Variants in ZNF28 observed in about 807,000 individuals in gnomAD.
ZNF28 encodes zinc finger protein 28.
Under a neutral mutation model 7.2 loss-of-function variants are expected in ZNF28, and 5 were observed. The observed-to-expected ratio is 0.70, with a 90% CI of 0.36 to 1.46. ZNF28 has a LOEUF of 1.46. ZNF28 is among the 40% of genes most tolerant of loss of function. The probability of loss-of-function intolerance (pLI) is 0.03; values close to 1 mark genes in which losing one functional copy is unlikely to be tolerated. For missense variants in ZNF28, 879 were observed against 866.6 expected (o/e 1.01, Z -0.18); for synonymous variants, 288 against 292.4 (o/e 0.99, Z 0.15).
At chr19:52,817,697 G>A (rs532305549) in intron 2 of ZNF28, among the ~76,000 whole-genome samples, 112 of 152,042 alleles carry the variant, frequency 7.4e-4, no homozygotes, top group African/African-American at 2.6e-3. Context: ...CCCTCACCCC[G>A]TCTCCATCCA....
intron 3 of ZNF28, among the ~76,000 whole-genome samples, chr19:52,803,892 G>C (rs570652694): frequency 6.6e-6 from 1 of 152,316 alleles, no homozygotes; most frequent in Admixed American, 6.5e-5. Context: ...AGAAGGTGAA[G>C]GTTGCAGTGA....
At position 52,801,553 on chromosome 19, in the gene ZNF28, G is replaced by A. The variant is rs766915729; in HGVS notation, c.292C>T (p.Gln98Ter). The change falls in exon 4 of 4, where the codon CAG becomes TAG. Residue 98 changes from glutamine (Q) to a stop codon, truncating the protein, a stop_gained. Coordinates refer to ENST00000457749, the MANE Select transcript of ZNF28 (RefSeq NM_006969.5). LOFTEE classifies it low-confidence loss of function (END_TRUNC). Reference protein sequence around the residue: ...QKIEKDIHGFQFQWKEDETND... With the variant: ...QKIEKDIHGF Reference sequence around the variant, plus strand: ...GTTTCATCTTCTTTCCACTGAAACTGGAAGCCATGAATGTCTTTCTCAATT... The same window carrying A: ...GTTTCATCTTCTTTCCACTGAAACTAGAAGCCATGAATGTCTTTCTCAATT... 2 of 1,614,152 alleles carry A rather than the reference G, an allele frequency of 1.2e-6. No homozygotes were observed. The highest frequency in any genetic ancestry group is 1.3e-5 in the African/African-American group (1 of 75,036).
In ZNF28 at chr19:52,800,187, C is replaced by A; in HGVS notation, c.1658G>T (p.Cys553Phe). Residue 553 changes from cysteine to phenylalanine, a missense_variant, in exon 4 of 4, where the codon TGT becomes TTT. This residue lies in a region of ZNF28 where 864 missense variants were observed against 830.2 expected (regional missense o/e 1.04). Transcript: ENST00000457749. ...KLHTAEKPYK[C>F]EECEKVFSRK... ...ACTGAAAACTTTCTCACATTCTTCA[C>A]ATTTGTACGGTTTCTCTGCAGTATG... is the stretch of plus-strand genomic sequence containing the variant. 6.2e-7 allele frequency: 1 copy of A among 1,613,476 alleles called. No homozygotes were observed. Among genetic ancestry groups the A allele is most frequent in the East Asian group, 2.2e-5 (1 of 44,648 alleles).
intron 3 of ZNF28, 152 bp downstream of exon 3, chr19:52,807,855 G>C: frequency 8.1e-7 from 1 of 1,237,008 alleles, no homozygotes. Flanking sequence ...TAAACAAAGG[G>C]GACAGTGAAA....
At chr19:52,815,613 A>G (rs1380986241) in intron 2 of ZNF28, among the ~76,000 whole-genome samples, 1 of 146,696 alleles carries the variant, frequency 6.8e-6, no homozygotes, top group Non-Finnish European at 1.5e-5. Context: ...TCATGAGGTC[A>G]GGAGATCGAG....
Position 52,817,980 on chromosome 19 carries a change from C to G in ZNF28, c.-22G>C, listed in dbSNP as rs1195039691. 1 of 1,611,020 alleles carries G rather than the reference C, an allele frequency of 6.2e-7. No individual in the cohort carries two copies. Among genetic ancestry groups the G allele is most frequent in the South Asian group, 1.1e-5 (1 of 91,068 alleles). ...CCATCCCTGACTCCTTTGCTTTCCTCTTCCTCTTCTGGGTTTCTTCCTCAC... is the reference window on the plus strand; with the variant it reads ...CCATCCCTGACTCCTTTGCTTTCCTGTTCCTCTTCTGGGTTTCTTCCTCAC... On this transcript the variant is annotated 5_prime_UTR_variant, in exon 2 of 4. Coordinates refer to ENST00000457749, the MANE Select transcript of ZNF28 (RefSeq NM_006969.5).
rs1433068660 is a variant in ZNF28 at position 52,798,852 on chromosome 19, CAA to C, written c.*834_*835del. 14 of 1,254,208 alleles carry C rather than the reference CAA, an allele frequency of 1.1e-5. No homozygotes were observed. Among genetic ancestry groups the C allele is most frequent in the Non-Finnish European group, 1.4e-5 (13 of 899,920 alleles). The allele number at this position is 1,254,208 out of a possible 1,614,324, so 77.7% of individuals were successfully genotyped here. A position where few individuals can be genotyped will look rare whatever the true frequency, so the allele number is the denominator to read the frequency against. On this transcript the variant is annotated 3_prime_UTR_variant, in exon 4 of 4. Coordinates refer to ENST00000457749, the MANE Select transcript of ZNF28 (RefSeq NM_006969.5). ...ACTTTGTGACAATCATTATATTAGT[CAA>C]GTTTCCCTATACTATGGATTGCTTG...
Position 52,800,926 on chromosome 19 carries a change from C to A in ZNF28, c.919G>T (p.Val307Phe), listed in dbSNP as rs2062859689. 6.2e-7 allele frequency: 1 copy of A among 1,613,994 alleles called. No individual in the cohort carries two copies. Among genetic ancestry groups the A allele is most frequent in the Admixed American group, 1.7e-5 (1 of 59,994 alleles). The change falls in exon 4 of 4, where the codon GTT becomes TTT. Residue 307 changes from valine to phenylalanine, a missense_variant. Physicochemically the swap from Val to Phe is conservative, Grantham distance 50. This residue lies in a region of ZNF28 where 864 missense variants were observed against 830.2 expected (regional missense o/e 1.04). Coordinates refer to ENST00000457749, the MANE Select transcript of ZNF28 (RefSeq NM_006969.5). ...TCAAGGTGTGATTTGCGACTGAAAA[C>A]TTTGTCACATTCTTCACATTCATAA... ...KPYECEECDKVFSRKSHLETH... is the reference protein window; with the variant it reads ...KPYECEECDKFFSRKSHLETH...
chr19:52,812,019 G>T (rs1226240093), intron 2 of ZNF28, among the ~76,000 whole-genome samples: 1 of 43,540 alleles, frequency 2.3e-5, no homozygotes, highest in Non-Finnish European at 5.4e-5. Flanking sequence ...GGAGGTGGGG[G>T]GGACAGCCCC....
chr19:52,807,717 C>T (rs771868256), intron 3 of ZNF28, among the ~76,000 whole-genome samples: 47 of 152,080 alleles, frequency 3.1e-4, no homozygotes, highest in Non-Finnish European at 5.4e-4. Flanking sequence ...CATAGCGATC[C>T]ACACGCCTTG....
At chr19:52,819,892 T>C (rs535276767) in intron 1 of ZNF28, among the ~76,000 whole-genome samples, 3 of 141,498 alleles carry the variant, frequency 2.1e-5, no homozygotes, top group Non-Finnish European at 3.0e-5. Context: ...CAGGGTCAAC[T>C]GTAGAACTAA....
At chr19:52,821,271 G>A (rs190478937) in intron 1 of ZNF28, among the ~76,000 whole-genome samples, 7,691 of 152,132 alleles carry the variant, frequency 0.051, 238 homozygotes, top group African/African-American at 0.09. Flanking sequence ...CACAGGGTGG[G>A]AATACACCTC....
chr19:52,804,791 C>T (rs1159312483), intron 3 of ZNF28, among the ~76,000 whole-genome samples: 1 of 152,208 alleles, frequency 6.6e-6, no homozygotes, highest in East Asian at 1.9e-4. Context: ...AAAAGTGAGA[C>T]ATCACAGCTG....
chr19:52,810,953 G>T (rs1433796480), intron 2 of ZNF28, among the ~76,000 whole-genome samples: 52 of 131,412 alleles, frequency 4.0e-4, no homozygotes, highest in Non-Finnish European at 7.7e-4. Flanking sequence ...AAAGCTGGAC[G>T]GTACTGCTGC....
chr19:52,808,029 A>C lies in ZNF28; in HGVS notation c.120T>G (p.Asn40Lys), dbSNP rs2062958639. The part of the protein sequence containing the change: ...RTLYRDVMLE[N>K]YRNLVSLDIS... ...CACCCAGGGAGACCAGGTTCCTATA[A>C]TTCTCCAGCATCACATCCCTGTAAA... The change falls in exon 3 of 4, where the codon AAT (asparagine) becomes AAG (lysine). Residue 40 changes from asparagine (N) to lysine (K), a missense_variant. This residue lies in a region of ZNF28 where 864 missense variants were observed against 830.2 expected (regional missense o/e 1.04). Coordinates refer to ENST00000457749, the MANE Select transcript of ZNF28 (RefSeq NM_006969.5). The C allele has an allele frequency of 1.9e-6, 3 of 1,613,508 alleles. No individual in the cohort carries two copies. The highest frequency in any genetic ancestry group is 2.5e-6 in the Non-Finnish European group (3 of 1,179,550).
At chr19:52,818,338 A>G (rs1165595366) in intron 1 of ZNF28, among the ~76,000 whole-genome samples, 3 of 152,186 alleles carry the variant, frequency 2.0e-5, no homozygotes, top group Non-Finnish European at 4.4e-5. Context: ...GCTACTTAGG[A>G]AGCTGAGGTG....
At chr19:52,808,684 G>A (rs529696102) in intron 2 of ZNF28, among the ~76,000 whole-genome samples, 1 of 151,038 alleles carries the variant, frequency 6.6e-6, no homozygotes, top group Non-Finnish European at 1.5e-5. Context: ...CCTGGTGGCA[G>A]GCACCTGCGG....
chr19:52,810,306 C>T lies in ZNF28; in HGVS notation c.16-2173G>A, dbSNP rs1568654946. 1.1e-5 allele frequency: 17 copies of T among 1,559,496 alleles called. No individual in the cohort carries two copies. The East Asian group carries it at 1.1e-4, about 10-fold the overall frequency. On this transcript the variant is annotated intron_variant, in intron 2 of 3. Coordinates refer to ENST00000457749, the MANE Select transcript of ZNF28 (RefSeq NM_006969.5). ...TGAGGAGAAGATGGAGGCTGATGCC[C>T]GTTCCATCAATGCTGGCAATGTGGA...
chr19:52,807,178 C>A (rs2062947410), intron 3 of ZNF28, among the ~76,000 whole-genome samples: 1 of 152,088 alleles, frequency 6.6e-6, no homozygotes, highest in Admixed American at 6.6e-5. Flanking sequence ...TTCCCTTGCT[C>A]CAACATGGAG....
Sources: allele counts gnomAD v4.1 joint callset (sites outside exome capture counted in the v4.1 genomes callset), GRCh38; gene constraint gnomAD v4.1.1; regional missense constraint gnomAD v4.1.1; transcripts MANE v1.5; gene names NCBI Gene and HGNC (gene_info 2026-07-23, HGNC 2026-07-21).